Variants in KIAA1958 observed in about 807,000 individuals in gnomAD.
KIAA1958 encodes the protein KIAA1958.
KIAA1958 carries 14 observed loss-of-function variants against 47.2 expected under a neutral mutation model. The observed-to-expected ratio is 0.30, with a 90% CI of 0.20 to 0.46. KIAA1958 has a LOEUF of 0.46. Among genes scored for constraint, KIAA1958 ranks in the 20% least tolerant of loss-of-function variants. The pLI is 1.00. For missense variants in KIAA1958, 803 were observed against 909.2 expected (o/e 0.88, Z 1.50); for synonymous variants, 354 against 353.3 (o/e 1.00, Z -0.02).
chr9:112,592,026 C>G (rs993270589), intron 2 of KIAA1958, among the ~76,000 whole-genome samples: 1 of 152,052 alleles, frequency 6.6e-6, no homozygotes, highest in Non-Finnish European at 1.5e-5. Context: ...TTAGACCGCA[C>G]AGGCTAAACT....
At chr9:112,637,044 A>G (rs1330472774) in intron 2 of KIAA1958, among the ~76,000 whole-genome samples, 2 of 152,146 alleles carry the variant, frequency 1.3e-5, no homozygotes, top group Non-Finnish European at 2.9e-5. Context: ...CTCTTGCATT[A>G]TTAAGATCTA....
intron 1 of KIAA1958, among the ~76,000 whole-genome samples, chr9:112,546,257 T>C (rs1390972870): frequency 2.6e-5 from 4 of 152,158 alleles, no homozygotes; most frequent in African/African-American, 9.7e-5. Context: ...AAACCCCCAC[T>C]AGCACTCTGA....
intron 1 of KIAA1958, among the ~76,000 whole-genome samples, chr9:112,489,056 C>CAGCT (rs774296421): frequency 4.6e-5 from 7 of 152,214 alleles, no homozygotes; most frequent in Admixed American, 2.6e-4. Context: ...CACAGAAGCA[C>CAGCT]AGCTCAGTAT....
intron 2 of KIAA1958, among the ~76,000 whole-genome samples, chr9:112,630,575 A>G (rs1836693000): frequency 6.6e-6 from 1 of 152,234 alleles, no homozygotes; most frequent in Non-Finnish European, 1.5e-5. Flanking sequence ...TTTTAGTCAG[A>G]TATAATTCTC....
At chr9:112,543,921 A>T (rs191854187) in intron 1 of KIAA1958, among the ~76,000 whole-genome samples, 1 of 152,158 alleles carries the variant, frequency 6.6e-6, no homozygotes, top group Non-Finnish European at 1.5e-5. Context: ...TGTGTAGAAG[A>T]TGCCTAAAGT....
intron 3 of KIAA1958, among the ~76,000 whole-genome samples, chr9:112,652,904 C>T (rs1365557475): frequency 2.0e-5 from 3 of 152,196 alleles, no homozygotes; most frequent in South Asian, 2.1e-4. Context: ...CAGGCATGAG[C>T]CACTGTGCCC....
rs563132307 is a variant in KIAA1958 at position 112,618,316 on chromosome 9, C to G, written c.1172-27334C>G. On this transcript the variant is annotated intron_variant, in intron 2 of 3. Transcript: ENST00000337530. The surrounding 1 kb of genome is among the most constrained non-coding windows in gnomAD (Gnocchi z 7.1). ...GGGGACTGCTAAGCCGATATAACCCCGAGGGTTTGCTCAACCTAGTCTGGC... is the reference window on the plus strand; with the variant it reads ...GGGGACTGCTAAGCCGATATAACCCGGAGGGTTTGCTCAACCTAGTCTGGC... 26 of 1,551,022 alleles carry G rather than the reference C, an allele frequency of 1.7e-5. No homozygotes were observed. Among genetic ancestry groups the G allele is most frequent in the Non-Finnish European group, 2.3e-5 (26 of 1,147,126 alleles).
intron 2 of KIAA1958, among the ~76,000 whole-genome samples, chr9:112,583,698 A>G (rs1397095560): frequency 6.6e-6 from 1 of 152,192 alleles, no homozygotes; most frequent in African/African-American, 2.4e-5. Flanking sequence ...ATATTATTAT[A>G]TATTAGAGTA....
intron 2 of KIAA1958, among the ~76,000 whole-genome samples, chr9:112,635,570 A>G (rs1012611221): frequency 1.3e-5 from 2 of 152,198 alleles, no homozygotes; most frequent in Admixed American, 6.5e-5. Flanking sequence ...TCTAATGGGT[A>G]TAAGACTTTT....
In KIAA1958 at chr9:112,614,652, C is replaced by T. The variant is rs746509245; in HGVS notation, c.1172-30998C>T. Among the ~76,000 whole-genome samples, 30 of 152,078 alleles carry T rather than the reference C, an allele frequency of 2.0e-4. 1 individual carries two copies. Among genetic ancestry groups the T allele is most frequent in the Admixed American group, 1.3e-4 (2 of 15,272 alleles). On this transcript the variant is annotated intron_variant, in intron 2 of 3. Transcript: ENST00000337530. ...TTCAACCTCTTCATGTAGCTCATTC[C>T]TGGCTATTAGGAAAGGATATGACAG...
intron 1 of KIAA1958, among the ~76,000 whole-genome samples, chr9:112,557,972 A>G (rs747804845): frequency 1.3e-5 from 2 of 152,194 alleles, no homozygotes; most frequent in Non-Finnish European, 2.9e-5. Flanking sequence ...CATGCCTGTA[A>G]TCCCAGCACT....
intron 2 of KIAA1958, among the ~76,000 whole-genome samples, chr9:112,592,192 G>T (rs1835936283): frequency 6.6e-6 from 1 of 152,200 alleles, no homozygotes; most frequent in South Asian, 2.1e-4. Flanking sequence ...TTACGAGGAA[G>T]TTAAGTTTAA....
rs1019094650 is a variant in KIAA1958, at chr9:112,583,958, T to C, written c.1171+8707T>C. Among the ~76,000 whole-genome samples, 4 of 152,088 alleles carry C rather than the reference T, an allele frequency of 2.6e-5. No individual in the cohort carries two copies. In the South Asian group the frequency reaches 8.3e-4, roughly 32 times the overall value. On this transcript the variant is annotated intron_variant, in intron 2 of 3. Coordinates refer to ENST00000337530, the MANE Select transcript of KIAA1958 (RefSeq NM_133465.4). ...TCTGAGTGGTGGGCACTCAGCACTCTGGAAGGCTGAGGTGGGAGGATCACT... is the reference window on the plus strand; with the variant it reads ...TCTGAGTGGTGGGCACTCAGCACTCCGGAAGGCTGAGGTGGGAGGATCACT...
At position 112,661,603 on chromosome 9, in the gene KIAA1958, A is replaced by G. The variant is rs1218042030; in HGVS notation, c.*1534A>G. 1 of 152,214 alleles carries G rather than the reference A, an allele frequency of 6.6e-6. No homozygotes were observed. Among genetic ancestry groups the G allele is most frequent in the Non-Finnish European group, 1.5e-5 (1 of 68,032 alleles). 9.4% of individuals were successfully genotyped at this position (152,214 alleles called of 1,614,324 possible). On this transcript the variant is annotated 3_prime_UTR_variant, in exon 4 of 4. Coordinates refer to ENST00000337530, the MANE Select transcript of KIAA1958 (RefSeq NM_133465.4). ...TTTCTTAAAAAATCATACACTAGTC[A>G]TTGACATATGTAATACTTCCTTTAC...
chr9:112,531,714 C>T (rs368666487), intron 1 of KIAA1958, among the ~76,000 whole-genome samples: 117 of 152,250 alleles, frequency 7.7e-4, no homozygotes, highest in African/African-American at 2.6e-3. Context: ...TGAACCGGTT[C>T]CTATTTTGAT....
intron 2 of KIAA1958, among the ~76,000 whole-genome samples, chr9:112,615,248 G>C (rs1329013334): frequency 1.3e-5 from 2 of 151,680 alleles, no homozygotes; most frequent in South Asian, 4.2e-4. Flanking sequence ...TGGTGAAACC[G>C]CATCTCTACA....
chr9:112,602,165 G>A (rs1836145415), intron 2 of KIAA1958, among the ~76,000 whole-genome samples: 1 of 152,114 alleles, frequency 6.6e-6, no homozygotes, highest in African/African-American at 2.4e-5. Context: ...TTATTTTATG[G>A]TAGTTATAAG....
chr9:112,583,925 T>G (rs1476107073), intron 2 of KIAA1958, among the ~76,000 whole-genome samples: 2 of 152,090 alleles, frequency 1.3e-5, no homozygotes, highest in East Asian at 3.8e-4. Context: ...ATGTGAACAT[T>G]TATTAAATCT....
intron 2 of KIAA1958, among the ~76,000 whole-genome samples, chr9:112,640,354 C>T (rs939814085): frequency 1.2e-4 from 19 of 152,134 alleles, no homozygotes; most frequent in Middle Eastern, 3.2e-3. Context: ...ATTTTTGACT[C>T]CTCAGTGCCA....
Sources: allele counts gnomAD v4.1 joint callset (sites outside exome capture counted in the v4.1 genomes callset), GRCh38; gene constraint gnomAD v4.1.1; non-coding constraint Gnocchi (gnomAD v3.1); transcripts MANE v1.5; gene names NCBI Gene and HGNC (gene_info 2026-07-23, HGNC 2026-07-21).